PIK3R6: variants seen among roughly 807,000 people sequenced by gnomAD.
PIK3R6 encodes phosphoinositide-3-kinase regulatory subunit 6.
PIK3R6 carries 91 observed loss-of-function variants against 84.9 expected under a neutral mutation model. The ratio of observed to expected loss-of-function variants is 1.07; its 90% CI spans 0.90 to 1.28. The LOEUF (loss-of-function observed/expected upper bound fraction) is 1.28. PIK3R6 is among the 50% of genes most tolerant of loss of function. The probability of loss-of-function intolerance (pLI) is 0.00; values close to 1 mark genes in which losing one functional copy is unlikely to be tolerated. For synonymous variants in PIK3R6, 416 were observed against 411.4 expected, an observed-to-expected ratio of 1.01 and a Z score of -0.13; for missense variants, 996 against 985.1, an observed-to-expected ratio of 1.01 and a Z score of -0.15.
intron 1 of PIK3R6, among the ~76,000 whole-genome samples, chr17:8,850,546 G>A (rs191714456): frequency 4.7e-4 from 71 of 152,274 alleles, no homozygotes; most frequent in Non-Finnish European, 8.8e-4. Context: ...AACTCAGACC[G>A]TCTGGCTCTA....
At chr17:8,837,970 G>T in intron 4 of PIK3R6, 99 bp from the exon 5 acceptor site, 1 of 1,023,160 alleles carries the variant, frequency 9.8e-7, no homozygotes, top group Non-Finnish European at 1.5e-6. Flanking sequence ...AGATGGGGTG[G>T]AAGGCAGCCA....
chr17:8,822,079 G>C (rs1483122877), intron 16 of PIK3R6, 143 bp from the exon 17 acceptor site: 4 of 653,452 alleles, frequency 6.1e-6, no homozygotes, highest in Non-Finnish European at 1.0e-5. Flanking sequence ...TTTGAGCCAG[G>C]GGGTTTCACT....
intron 2 of PIK3R6, among the ~76,000 whole-genome samples, chr17:8,841,277 CT>C: frequency 6.6e-6 from 1 of 152,286 alleles, no homozygotes; most frequent in Middle Eastern, 3.4e-3. Context: ...CTTACTCAGC[CT>C]CCTCTTAGCC....
At chr17:8,849,722 G>A in intron 2 of PIK3R6, 60 bp downstream of exon 2, 3 of 1,555,972 alleles carry the variant, frequency 1.9e-6, no homozygotes, top group Non-Finnish European at 2.6e-6. Context: ...TCACCCATGA[G>A]AAGGGCCTTC....
At chr17:8,838,263 C>T (rs12952302) in intron 4 of PIK3R6, 12,889 of 435,488 alleles carry the variant, frequency 0.03, 508 homozygotes, top group African/African-American at 0.12. Flanking sequence ...TTTTGAGAAA[C>T]GTCAATAGTC....
chr17:8,817,923 CT>C lies in PIK3R6; in HGVS notation c.1995+1159del, dbSNP rs1253717093. 2.3e-3 allele frequency among the ~76,000 whole-genome samples: 329 copies of C among 142,578 alleles called. 5 individuals are homozygous for C. Among genetic ancestry groups the C allele is most frequent in the African/African-American group, 7.6e-3 (298 of 39,124 alleles). The allele number at this position is 142,578 out of a possible 152,430, so 93.5% of individuals were successfully genotyped here. ...TGGCAGAGTTGTTTTTTTTTTTTTC[CT>C]TTTTTTTTTCTTTTAAGATGGAAAA... On this transcript the variant is annotated intron_variant, in intron 18 of 19. Transcript: ENST00000619866.
At chr17:8,812,348 A>C (rs922129752) in intron 18 of PIK3R6, among the ~76,000 whole-genome samples, 3 of 152,246 alleles carry the variant, frequency 2.0e-5, no homozygotes, top group African/African-American at 7.2e-5. Flanking sequence ...CAAATTATCA[A>C]GGCAGAAAAT....
At chr17:8,845,159 A>C (rs1165306192) in intron 2 of PIK3R6, among the ~76,000 whole-genome samples, 1 of 152,128 alleles carries the variant, frequency 6.6e-6, no homozygotes, top group Non-Finnish European at 1.5e-5. Flanking sequence ...TTTTTGATAG[A>C]ATGATTTGTT....
rs748564916 is a variant in PIK3R6, at chr17:8,803,264, C to T, written c.*9G>A. On this transcript the variant is annotated 3_prime_UTR_variant, in exon 20 of 20. Coordinates refer to ENST00000619866, the MANE Select transcript of PIK3R6 (RefSeq NM_001010855.4). This position sits in a 1 kb window ranked among gnomAD's most constrained non-coding sequence, Gnocchi z 5.0. The stretch of plus-strand genomic sequence containing the variant: ...TATCCTTCCTCCTGGGCCTGCTGTC[C>T]CTGCAGGCTCACTGGACAATACCAG... The T allele has an allele frequency of 3.1e-5, 50 of 1,611,866 alleles. No homozygotes were observed. The South Asian group carries it at 5.5e-4, about 18-fold the overall frequency.
intron 2 of PIK3R6, among the ~76,000 whole-genome samples, chr17:8,841,873 A>T (rs2088689983): frequency 6.6e-6 from 1 of 152,108 alleles, no homozygotes; most frequent in African/African-American, 2.4e-5. Context: ...CAAATCTCAT[A>T]TTGAAATTTG....
Position 8,862,869 on chromosome 17 carries a change from TG to T in PIK3R6, c.-92+4659del, listed in dbSNP as rs2089315381. Among the ~76,000 whole-genome samples the T allele has an allele frequency of 6.6e-6, 1 of 152,200 alleles. No individual in the cohort carries two copies. The highest frequency in any genetic ancestry group is 2.4e-5 in the African/African-American group (1 of 41,436). On this transcript the variant is annotated intron_variant, in intron 1 of 19. Transcript: ENST00000619866. This position sits in a 1 kb window ranked among gnomAD's most constrained non-coding sequence, Gnocchi z 4.3. ...TCCCAACAACCTGGGAGATGTCCTG[TG>T]GTCACTCCCCACCCACTGTGCCCAC...
At chr17:8,819,278 G>T in intron 17 of PIK3R6, 80 bp from the exon 18 acceptor site, 1 of 1,087,492 alleles carries the variant, frequency 9.2e-7, no homozygotes, top group Non-Finnish European at 1.3e-6. Flanking sequence ...AGATCTCCAG[G>T]AACCCATCTT....
At chr17:8,845,016 T>C (rs1172228402) in intron 2 of PIK3R6, among the ~76,000 whole-genome samples, 4 of 152,252 alleles carry the variant, frequency 2.6e-5, no homozygotes, top group Non-Finnish European at 4.4e-5. Context: ...TTCTTTTTTA[T>C]GGCTGCATAG....
At position 8,853,856 on chromosome 17, in the gene PIK3R6, G is replaced by A. The variant is rs191976502; in HGVS notation, c.-91-3971C>T. ...CATGCGCCTGTAGTCCCAGCTACTC[G>A]GGAGGCTGAGGCAGGAGAATCGTTT... On this transcript the variant is annotated intron_variant, in intron 1 of 19. Coordinates refer to ENST00000619866, the MANE Select transcript of PIK3R6 (RefSeq NM_001010855.4). Among the ~76,000 whole-genome samples the A allele has an allele frequency of 2.9e-3, 440 of 151,858 alleles. 4 individuals are homozygous for A. Among genetic ancestry groups the A allele is most frequent in the Middle Eastern group, 0.024 (7 of 294 alleles).
intron 2 of PIK3R6, among the ~76,000 whole-genome samples, chr17:8,840,711 G>A (rs1005689706): frequency 4.7e-5 from 7 of 148,478 alleles, no homozygotes; most frequent in Non-Finnish European, 1.0e-4. Context: ...TTAGGTTTGT[G>A]CAAAAGTAAT....
rs145862504 is a variant in PIK3R6, at chr17:8,844,675, T to C, written c.14-4978A>G. On this transcript the variant is annotated intron_variant, in intron 2 of 19. Coordinates refer to ENST00000619866, the MANE Select transcript of PIK3R6 (RefSeq NM_001010855.4). The surrounding 1 kb of genome is among the most constrained non-coding windows in gnomAD (Gnocchi z 4.5). Reference sequence around the variant, plus strand: ...TCAGGAGGTACATGTGCAGGTTTGTTACCCGGATATATTGCTTGATGCTGA... The same window carrying C: ...TCAGGAGGTACATGTGCAGGTTTGTCACCCGGATATATTGCTTGATGCTGA... Among the ~76,000 whole-genome samples, 453 of 152,252 alleles carry C rather than the reference T, an allele frequency of 3.0e-3. No homozygotes were observed. The highest frequency in any genetic ancestry group is 9.9e-3 in the African/African-American group (413 of 41,550).
chr17:8,804,216 G>A, intron 18 of PIK3R6, 63 bp from the exon 19 acceptor site: 1 of 1,334,908 alleles, frequency 7.5e-7, no homozygotes, highest in East Asian at 2.4e-5. Flanking sequence ...CTGCCAACAT[G>A]CCCTACCCTG....
chr17:8,861,791 C>A (rs1245293391), intron 1 of PIK3R6, among the ~76,000 whole-genome samples: 1 of 152,178 alleles, frequency 6.6e-6, no homozygotes, highest in Non-Finnish European at 1.5e-5. Context: ...TAGTACTGAA[C>A]CTGGCTGCTG....
chr17:8,860,125 T>C (rs1223957220), intron 1 of PIK3R6, among the ~76,000 whole-genome samples: 1 of 152,216 alleles, frequency 6.6e-6, no homozygotes, highest in East Asian at 1.9e-4. Context: ...CAGATAGCTA[T>C]GCAGTGAAAA....
Sources: gnomAD v4.1 joint callset for allele counts (sites outside exome capture counted in the v4.1 genomes callset) on GRCh38, gnomAD v4.1.1 for gene constraint, Gnocchi (gnomAD v3.1) non-coding constraint, MANE v1.5 for transcripts, NCBI Gene and HGNC (gene_info 2026-07-23, HGNC 2026-07-21) for gene names.